The following GIT2 variants were observed in gnomAD, a reference collection of about 807,000 sequenced individuals.
GIT2 encodes ARF GTPase-activating protein GIT2.
A neutral mutation model predicts 100.3 loss-of-function variants in GIT2; 32 were observed. The ratio of observed to expected loss-of-function variants is 0.32; its 90% CI spans 0.24 to 0.43. GIT2 has a LOEUF of 0.43. Ranked by LOEUF, GIT2 falls within the 20% of genes least tolerant of loss-of-function variation. GIT2 has a pLI of 1.00. For missense variants in GIT2, 737 were observed against 975.1 expected, an observed-to-expected ratio of 0.76 and a Z score of 3.25; for synonymous variants, 353 against 364.1, an observed-to-expected ratio of 0.97 and a Z score of 0.35.
chr12:109,948,900 A>G lies in GIT2; in HGVS notation c.1393-1396T>C. The G allele has an allele frequency of 1.5e-6, 2 of 1,297,890 alleles. No individual in the cohort carries two copies. Among genetic ancestry groups the G allele is most frequent in the Non-Finnish European group, 2.2e-6 (2 of 914,884 alleles). 80.4% of individuals were successfully genotyped at this position (1,297,890 alleles called of 1,614,324 possible). On this transcript the variant is annotated intron_variant, in intron 14 of 19. Coordinates refer to ENST00000355312, the MANE Select transcript of GIT2 (RefSeq NM_057169.5). The surrounding 1 kb of genome is among the most constrained non-coding windows in gnomAD (Gnocchi z 4.3). ...TCATGCTACTTTGTCAACTTTATGTATATTAAAAACTTTACCCAACTTTGA... is the reference window on the plus strand; with the variant it reads ...TCATGCTACTTTGTCAACTTTATGTGTATTAAAAACTTTACCCAACTTTGA...
At position 109,947,697 on chromosome 12, in the gene GIT2, C is replaced by A; in HGVS notation, c.1393-193G>T. 2 of 566,392 alleles carry A rather than the reference C, an allele frequency of 3.5e-6. No homozygotes were observed. The highest frequency in any genetic ancestry group is 6.2e-6 in the Non-Finnish European group (2 of 320,120). The allele number at this position is 566,392 out of a possible 1,614,324, so 35.1% of individuals were successfully genotyped here. ...GTGAAACACAATCAACTCCCTTCAT[C>A]ACGTAAGCAAATTAAATAGCTTCAT... On this transcript the variant is annotated intron_variant, in intron 14 of 19. Transcript: ENST00000355312. The surrounding 1 kb of genome is among the most constrained non-coding windows in gnomAD (Gnocchi z 4.3).
intron 8 of GIT2, among the ~76,000 whole-genome samples, chr12:109,966,438 G>A (rs1226752684): frequency 3.3e-5 from 5 of 150,630 alleles, no homozygotes; most frequent in Admixed American, 3.3e-4. Context: ...GAACCTGGGA[G>A]GTGGAGGTTG....
chr12:109,964,261 C>A (rs1881740968), intron 9 of GIT2, among the ~76,000 whole-genome samples: 1 of 152,038 alleles, frequency 6.6e-6, no homozygotes, highest in Non-Finnish European at 1.5e-5. Context: ...CACAGACACA[C>A]AAAACTGTAG....
chr12:109,983,344 G>A, intron 6 of GIT2, 29 bp downstream of exon 6: 5 of 1,602,978 alleles, frequency 3.1e-6, no homozygotes, highest in Non-Finnish European at 3.4e-6. Context: ...AAATCCCAGA[G>A]AGAAGTAGCG....
Position 109,961,679 on chromosome 12 carries a change from T to G in GIT2, c.823A>C (p.Asn275His), listed in dbSNP as rs1365470353. The change falls in exon 10 of 20, where the codon AAT becomes CAT. Residue 275 changes from asparagine (N) to histidine (H), a missense_variant. Asn to His is a moderately conservative substitution (Grantham distance 68, BLOSUM62 1). This residue lies in a region of GIT2 where 266 missense variants were observed against 376.2 expected (regional missense o/e 0.71). Coordinates refer to ENST00000355312, the MANE Select transcript of GIT2 (RefSeq NM_057169.5). ...AAKKKLQSLSNHLFEELAMDV... is the reference protein window; with the variant it reads ...AAKKKLQSLSHHLFEELAMDV... Reference sequence around the variant, plus strand: ...ATGGCAAGTTCTTCAAACAAATGATTACTTAGCTGAAAATAAAAAATATCA... The same window carrying G: ...ATGGCAAGTTCTTCAAACAAATGATGACTTAGCTGAAAATAAAAAATATCA... 1 of 1,580,726 alleles carries G rather than the reference T, an allele frequency of 6.3e-7. No individual in the cohort carries two copies.
chr12:109,990,588 C>T (rs910471305), intron 2 of GIT2, among the ~76,000 whole-genome samples: 1 of 152,190 alleles, frequency 6.6e-6, no homozygotes, highest in African/African-American at 2.4e-5. Context: ...GTTTTGGCTC[C>T]TTGGTTCACA....
rs767087338 is a variant in GIT2 at position 109,945,217 on chromosome 12, C to T, written c.1731+43G>A. 9 of 962,990 alleles carry T rather than the reference C, an allele frequency of 9.3e-6. 1 individual carries two copies. The highest frequency in any genetic ancestry group is 6.6e-5 in the South Asian group (5 of 75,300). 59.7% of individuals were successfully genotyped at this position (962,990 alleles called of 1,614,324 possible). On this transcript the variant is annotated intron_variant, in intron 16 of 19. Coordinates refer to ENST00000355312, the MANE Select transcript of GIT2 (RefSeq NM_057169.5). ...CCCAAGCACAAAGCGCCCAGGAGCA[C>T]GGCCCCTCCTCCAGAGAGCAGACCA...
intron 7 of GIT2, among the ~76,000 whole-genome samples, chr12:109,971,536 G>A (rs1420401679): frequency 6.6e-6 from 1 of 151,340 alleles, no homozygotes; most frequent in East Asian, 2.0e-4. Context: ...ATGTTAACCA[G>A]GCTGGTATCG....
At chr12:109,983,783 T>C (rs1269365058) in intron 4 of GIT2, 89 bp from the exon 5 acceptor site, 11 of 774,570 alleles carry the variant, frequency 1.4e-5, no homozygotes, top group Admixed American at 2.3e-5. Flanking sequence ...TTAATATATG[T>C]TACATCAGTA....
At chr12:109,966,882 G>C (rs959757483) in intron 8 of GIT2, among the ~76,000 whole-genome samples, 3 of 152,266 alleles carry the variant, frequency 2.0e-5, no homozygotes, top group African/African-American at 7.2e-5. Context: ...AGTTGAGCTA[G>C]GAATGGTTTT....
intron 7 of GIT2, among the ~76,000 whole-genome samples, chr12:109,975,516 T>C (rs575367298): frequency 6.6e-6 from 1 of 152,268 alleles, no homozygotes; most frequent in East Asian, 1.9e-4. Flanking sequence ...TCCCAGCCCC[T>C]TTTGTTTTTT....
chr12:109,959,773 A>T, intron 12 of GIT2, 74 bp downstream of exon 12: 1 of 841,090 alleles, frequency 1.2e-6, no homozygotes, highest in Non-Finnish European at 2.0e-6. Context: ...TGCTTTAATT[A>T]GTTTATAACT....
chr12:109,939,235 C>T lies in GIT2; in HGVS notation c.1744G>A (p.Glu582Lys), dbSNP rs768769762. 3 of 1,603,622 alleles carry T rather than the reference C, an allele frequency of 1.9e-6. No individual in the cohort carries two copies. Among genetic ancestry groups the T allele is most frequent in the East Asian group, 2.2e-5 (1 of 44,768 alleles). ...CTCTCAGGTGTGCTGTTCTGCTTCT[C>T]CAGCCTGGATGCCTACAAGAAAGAA... ...DESARRASRL[E>K]KQNSTPESDY... Residue 582 changes from glutamate (E) to lysine (K), a missense_variant, in exon 17 of 20, where the codon GAG becomes AAG. Around this residue, in one of 3 missense-constraint regions of GIT2, gnomAD observed 451 missense variants for 543.7 expected, o/e 0.83. Coordinates refer to ENST00000355312, the MANE Select transcript of GIT2 (RefSeq NM_057169.5).
Position 109,959,855 on chromosome 12 carries a change from C to G in GIT2, c.1091G>C (p.Gly364Ala). 6.2e-7 allele frequency: 1 copy of G among 1,602,930 alleles called. No homozygotes were observed. The highest frequency in any genetic ancestry group is 1.1e-5 in the South Asian group (1 of 90,808). The change falls in exon 12 of 20, where the codon GGT (glycine) becomes GCT (alanine). Residue 364 changes from glycine (G) to alanine (A), a missense_variant. Physicochemically the swap from Gly to Ala is moderately conservative, Grantham distance 60 (BLOSUM62 0). Around this residue, in one of 3 missense-constraint regions of GIT2, gnomAD observed 451 missense variants for 543.7 expected, o/e 0.83. Transcript: ENST00000355312. ...KRRQQGSSLS[G>A]SKDNVELILK... ...GAGGTTTGAGCAGTTACCTTTTGAA[C>G]CCGAGAGAGAACTGCCCTGCTGTCT...
intron 7 of GIT2, 95 bp from the exon 8 acceptor site, chr12:109,967,598 A>G (rs1039137619): frequency 4.5e-6 from 4 of 892,898 alleles, no homozygotes; most frequent in Non-Finnish European, 5.6e-6. Flanking sequence ...AAGTTTTGCG[A>G]TTAGTATTTG....
chr12:109,991,425 T>C (rs1376409348), intron 2 of GIT2, among the ~76,000 whole-genome samples: 1 of 152,190 alleles, frequency 6.6e-6, no homozygotes, highest in Admixed American at 6.5e-5. Context: ...TTGAACAAGA[T>C]TTATGTCAAG....
chr12:109,934,814 G>A lies in GIT2; in HGVS notation c.2004-729C>T, dbSNP rs1041299819. ...CTGTCGGCCGGGCGCAGTGGCTCACGCCTGTAATCCCAGCACTTTGGGAGG... is the reference window on the plus strand; with the variant it reads ...CTGTCGGCCGGGCGCAGTGGCTCACACCTGTAATCCCAGCACTTTGGGAGG... On this transcript the variant is annotated intron_variant, in intron 18 of 19. Transcript: ENST00000355312. The surrounding 1 kb of genome is among the most constrained non-coding windows in gnomAD (Gnocchi z 4.5). Among the ~76,000 whole-genome samples the A allele has an allele frequency of 1.3e-5, 2 of 152,192 alleles. No homozygotes were observed. The highest frequency in any genetic ancestry group is 1.5e-5 in the Non-Finnish European group (1 of 68,034).
intron 5 of GIT2, 48 bp from the exon 6 acceptor site, chr12:109,983,551 G>C (rs1182601266): frequency 1.3e-6 from 2 of 1,599,244 alleles, no homozygotes; most frequent in Non-Finnish European, 1.7e-6. Context: ...TTAAATAAAG[G>C]CTACATGAAC....
intron 7 of GIT2, among the ~76,000 whole-genome samples, chr12:109,970,658 TCA>T (rs1179601741): frequency 7.2e-5 from 11 of 152,260 alleles, no homozygotes; most frequent in Middle Eastern, 3.2e-3. Flanking sequence ...TTCATAGATA[TCA>T]CAGTCTTGAG....
Sources: gnomAD v4.1 joint callset for allele counts (sites outside exome capture counted in the v4.1 genomes callset) on GRCh38, gnomAD v4.1.1 for gene constraint, gnomAD v4.1.1 regional missense constraint, Gnocchi (gnomAD v3.1) non-coding constraint, MANE v1.5 for transcripts, NCBI Gene and HGNC (gene_info 2026-07-23, HGNC 2026-07-21) for gene names.